Variants in CSTPP1 observed in about 807,000 individuals in gnomAD.
CSTPP1 encodes the protein UPF0705 protein C11orf49.
chr11:47,029,783 C>T, the CSTPP1 span, among the ~76,000 whole-genome samples: 1 of 150,416 alleles, frequency 6.6e-6, no homozygotes, highest in Non-Finnish European at 1.5e-5. Context: ...TACTTCTTGG[C>T]AGATATATTT....
the CSTPP1 span, chr11:47,164,242 C>T: frequency 3.1e-6 from 5 of 1,612,962 alleles, no homozygotes; most frequent in Admixed American, 1.7e-5. Context: ...CGGTGGGAGC[C>T]CAGAGAGTGA....
the CSTPP1 span, chr11:47,023,255 A>G: frequency 6.6e-6 from 1 of 152,314 alleles, no homozygotes; most frequent in Non-Finnish European, 1.5e-5. Context: ...TTTAAAAAAT[A>G]TGATAAAACA....
At chr11:47,158,747 C>A in the CSTPP1 span, among the ~76,000 whole-genome samples, 2 of 152,188 alleles carry the variant, frequency 1.3e-5, no homozygotes, top group Non-Finnish European at 2.9e-5. Flanking sequence ...GTTGCCCAGG[C>A]TGGTTTCAAA....
chr11:47,091,075 A>G, the CSTPP1 span, among the ~76,000 whole-genome samples: 1 of 138,692 alleles, frequency 7.2e-6, no homozygotes, highest in Non-Finnish European at 1.5e-5. Flanking sequence ...AGATAAGGAA[A>G]TTGAGACATA....
At chr11:47,087,548 A>G in the CSTPP1 span, among the ~76,000 whole-genome samples, 1 of 152,126 alleles carries the variant, frequency 6.6e-6, no homozygotes, top group Non-Finnish European at 1.5e-5. Context: ...AAAATACAAA[A>G]ATTAGCTGGG....
At chr11:47,151,781 G>A in the CSTPP1 span, among the ~76,000 whole-genome samples, 1 of 151,504 alleles carries the variant, frequency 6.6e-6, no homozygotes, top group Non-Finnish European at 1.5e-5. Flanking sequence ...CCAGCCACAT[G>A]TCCCCCAGAA....
At chr11:47,148,164 T>C in the CSTPP1 span, among the ~76,000 whole-genome samples, 1 of 152,126 alleles carries the variant, frequency 6.6e-6, no homozygotes, top group African/African-American at 2.4e-5. Context: ...GCCTTTTTCC[T>C]CCCACCTGGA....
chr11:46,984,992 A>ACCAGAAATTG, the CSTPP1 span, among the ~76,000 whole-genome samples: 18 of 152,094 alleles, frequency 1.2e-4, no homozygotes, highest in African/African-American at 4.3e-4. Context: ...ATTATCTCAC[A>ACCAGAAATTG]GCTTCACTCT....
At chr11:47,113,324 A>G in the CSTPP1 span, among the ~76,000 whole-genome samples, 1 of 152,234 alleles carries the variant, frequency 6.6e-6, no homozygotes, top group Non-Finnish European at 1.5e-5. Context: ...TCTTTATAGC[A>G]GCATGATTTA....
the CSTPP1 span, among the ~76,000 whole-genome samples, chr11:47,083,694 T>C: frequency 1.8e-4 from 28 of 152,380 alleles, no homozygotes; most frequent in East Asian, 4.2e-3. Flanking sequence ...TGATGACTAA[T>C]GATGTCGAAC....
chr11:46,954,586 A>G, the CSTPP1 span, among the ~76,000 whole-genome samples: 1 of 152,128 alleles, frequency 6.6e-6, no homozygotes, highest in Admixed American at 6.5e-5. Context: ...AAAATAAAAA[A>G]GAAGAGGGAG....
At chr11:47,066,993 A>G in the CSTPP1 span, among the ~76,000 whole-genome samples, 13 of 152,326 alleles carry the variant, frequency 8.5e-5, no homozygotes, top group East Asian at 2.3e-3. Context: ...CTATGATGAA[A>G]TTGGTTTTAT....
the CSTPP1 span, among the ~76,000 whole-genome samples, chr11:47,001,936 A>G: frequency 6.6e-6 from 1 of 152,168 alleles, no homozygotes; most frequent in Non-Finnish European, 1.5e-5. Context: ...TGAGAGATGG[A>G]CTTGAGACTT....
At chr11:47,081,935 CTT>C in the CSTPP1 span, among the ~76,000 whole-genome samples, 147 of 133,214 alleles carry the variant, frequency 1.1e-3, no homozygotes, top group Non-Finnish European at 1.4e-3. Flanking sequence ...ACAAAAAAAC[CTT>C]TTTTTTTTTT....
At chr11:47,039,680 T>C in the CSTPP1 span, among the ~76,000 whole-genome samples, 2,223 of 127,138 alleles carry the variant, frequency 0.017, 193 homozygotes, top group African/African-American at 0.052. Flanking sequence ...CTACTAAAAA[T>C]ACAAAAAATT....
At chr11:47,015,347 G>A in the CSTPP1 span, among the ~76,000 whole-genome samples, 7 of 151,680 alleles carry the variant, frequency 4.6e-5, no homozygotes, top group East Asian at 3.9e-4. Context: ...GGTGGTGCGC[G>A]CCTGTAATCC....
chr11:46,953,766 T>TG, the CSTPP1 span, among the ~76,000 whole-genome samples: 1 of 152,210 alleles, frequency 6.6e-6, no homozygotes, highest in Admixed American at 6.5e-5. Context: ...AATTCCCAAG[T>TG]GAGAAATCAG....
At chr11:47,058,358 A>G in the CSTPP1 span, among the ~76,000 whole-genome samples, 1 of 152,164 alleles carries the variant, frequency 6.6e-6, no homozygotes, top group African/African-American at 2.4e-5. Context: ...TAAAATTACC[A>G]GACATTAAAA....
the CSTPP1 span, among the ~76,000 whole-genome samples, chr11:47,037,792 A>G: frequency 2.6e-4 from 33 of 127,516 alleles, 3 homozygotes; most frequent in African/African-American, 6.4e-4. Context: ...ACCTCTTTCT[A>G]CACAGACACG....
Sources: allele counts gnomAD v4.1 joint callset (sites outside exome capture counted in the v4.1 genomes callset), GRCh38; gene constraint gnomAD v4.1.1; transcripts MANE v1.5; gene names NCBI Gene and HGNC (gene_info 2026-07-23, HGNC 2026-07-21).